The following GALNT17 variants were observed in gnomAD, a reference collection of about 807,000 sequenced individuals.
GALNT17 encodes UDP-GalNAc:polypeptide N-acetylgalactosaminyltransferase-like 3.
Under a neutral mutation model 63.7 loss-of-function variants are expected in GALNT17, and 29 were observed. The observed-to-expected ratio is 0.46, with a 90% CI of 0.34 to 0.62. The LOEUF (loss-of-function observed/expected upper bound fraction) is 0.62. Ranked by LOEUF, GALNT17 falls within the 20% of genes least tolerant of loss-of-function variation. GALNT17 has a pLI of 0.01. For synonymous variants in GALNT17, 305 were observed against 318.3 expected (o/e 0.96, Z 0.45); for missense variants, 603 against 799.6 (o/e 0.75, Z 2.97).
At chr7:71,588,474 A>C (rs1281983992) in intron 6 of GALNT17, among the ~76,000 whole-genome samples, 1 of 152,196 alleles carries the variant, frequency 6.6e-6, no homozygotes, top group Non-Finnish European at 1.5e-5. Context: ...CCTCCTTGAT[A>C]TAGACTATTA....
intron 5 of GALNT17, among the ~76,000 whole-genome samples, chr7:71,537,856 C>T (rs987040607): frequency 2.6e-5 from 4 of 152,066 alleles, no homozygotes; most frequent in Non-Finnish European, 4.4e-5. Flanking sequence ...GAAAAAGACA[C>T]AGAGACAGAG....
chr7:71,575,579 AG>A (rs1485534429), intron 6 of GALNT17, among the ~76,000 whole-genome samples: 2 of 151,918 alleles, frequency 1.3e-5, no homozygotes, highest in Non-Finnish European at 2.9e-5. Flanking sequence ...TAGTAGAGAC[AG>A]GGTTTCACCG....
At chr7:71,355,949 G>T (rs149356365) in intron 2 of GALNT17, among the ~76,000 whole-genome samples, 2 of 151,992 alleles carry the variant, frequency 1.3e-5, no homozygotes, top group Non-Finnish European at 2.9e-5. Flanking sequence ...CTTTCTTCTC[G>T]ATATAGTTAC....
chr7:71,194,363 A>C (rs370786335), intron 1 of GALNT17, among the ~76,000 whole-genome samples: 29 of 152,198 alleles, frequency 1.9e-4, no homozygotes, highest in East Asian at 1.5e-3. Context: ...CAGGCATTTC[A>C]CTGCACACAT....
intron 3 of GALNT17, among the ~76,000 whole-genome samples, chr7:71,399,233 C>T (rs1793194474): frequency 6.6e-6 from 1 of 152,112 alleles, no homozygotes; most frequent in Non-Finnish European, 1.5e-5. Flanking sequence ...GATTCCATCC[C>T]CCCTGCCCTC....
chr7:71,217,140 G>GTTT lies in GALNT17; in HGVS notation c.238+84102_238+84104dup, dbSNP rs200574411. Reference sequence around the variant, plus strand: ...CACCATGCACAGCTAATTTTTTCGTGTTTTGTTTTTTTTTTTTTTTTTTTT... The same window carrying GTTT: ...CACCATGCACAGCTAATTTTTTCGTGTTTTTTTGTTTTTTTTTTTTTTTTTTTT... On this transcript the variant is annotated intron_variant, in intron 1 of 10. Coordinates refer to ENST00000333538, the MANE Select transcript of GALNT17 (RefSeq NM_022479.3). Among the ~76,000 whole-genome samples, 190 of 95,154 alleles carry GTTT rather than the reference G, an allele frequency of 2.0e-3. 6 individuals are homozygous for GTTT. Among genetic ancestry groups the GTTT allele is most frequent in the Non-Finnish European group, 2.7e-3 (129 of 47,586 alleles). 62.4% of individuals were successfully genotyped at this position (95,154 alleles called of 152,430 possible).
chr7:71,283,386 T>G (rs150217829), intron 1 of GALNT17, among the ~76,000 whole-genome samples: 1 of 152,246 alleles, frequency 6.6e-6, no homozygotes, highest in Middle Eastern at 3.4e-3. Context: ...GGTTTAATTA[T>G]GTTGATTATA....
Position 71,309,848 on chromosome 7 carries a change from A to G in GALNT17, c.239-25702A>G, listed in dbSNP as rs117338653. ...CCTCTACTTTCTACCAGCCAACACT[A>G]AGAGAGAAATATATTGATATGATTT... is the stretch of plus-strand genomic sequence containing the variant. On this transcript the variant is annotated intron_variant, in intron 1 of 10. Transcript: ENST00000333538. Among the ~76,000 whole-genome samples, 453 of 152,278 alleles carry G rather than the reference A, an allele frequency of 3.0e-3. 2 individuals are homozygous for G. Among genetic ancestry groups the G allele is most frequent in the Non-Finnish European group, 5.2e-3 (355 of 68,024 alleles).
intron 5 of GALNT17, among the ~76,000 whole-genome samples, chr7:71,524,968 G>A (rs1788599565): frequency 6.6e-6 from 1 of 152,014 alleles, no homozygotes; most frequent in East Asian, 1.9e-4. Context: ...TCTCCTATTT[G>A]CATCCTTCCT....
intron 1 of GALNT17, among the ~76,000 whole-genome samples, chr7:71,270,000 CCT>C (rs1790557415): frequency 6.6e-6 from 1 of 152,096 alleles, no homozygotes; most frequent in Non-Finnish European, 1.5e-5. Context: ...GTGTGTGACA[CCT>C]CTCTCTCTGT....
At chr7:71,364,180 C>T (rs55689924) in intron 2 of GALNT17, among the ~76,000 whole-genome samples, 6,477 of 152,174 alleles carry the variant, frequency 0.043, 237 homozygotes, top group East Asian at 0.1. Flanking sequence ...CACCAAGTCC[C>T]CAAAGTCCAT....
intron 1 of GALNT17, among the ~76,000 whole-genome samples, chr7:71,143,283 G>T (rs1223865832): frequency 6.6e-6 from 1 of 151,154 alleles, no homozygotes; most frequent in Non-Finnish European, 1.5e-5. Context: ...TTAGCCGGGT[G>T]TGGTGGCGGG....
intron 5 of GALNT17, 118 bp downstream of exon 5, chr7:71,421,223 C>T (rs1786658806): frequency 9.8e-7 from 1 of 1,018,184 alleles, no homozygotes; most frequent in African/African-American, 1.6e-5. Context: ...GCACACAGCT[C>T]TCCAGGAGCC....
At chr7:71,161,463 T>A (rs1269520069) in intron 1 of GALNT17, among the ~76,000 whole-genome samples, 2 of 152,186 alleles carry the variant, frequency 1.3e-5, no homozygotes, top group Non-Finnish European at 2.9e-5. Flanking sequence ...ATTATCTTTG[T>A]CTTTAATATT....
intron 6 of GALNT17, among the ~76,000 whole-genome samples, chr7:71,625,912 G>A (rs1170947826): frequency 1.3e-5 from 2 of 152,072 alleles, no homozygotes; most frequent in African/African-American, 4.8e-5. Flanking sequence ...AAGGTCATTG[G>A]GGTGGACTCT....
chr7:71,511,118 G>C (rs552537862), intron 5 of GALNT17, among the ~76,000 whole-genome samples: 2 of 152,112 alleles, frequency 1.3e-5, no homozygotes. Context: ...GGAGGTCAAG[G>C]CTGCCGTGAG....
At chr7:71,672,014 T>C (rs1392807111) in intron 8 of GALNT17, among the ~76,000 whole-genome samples, 14 of 111,012 alleles carry the variant, frequency 1.3e-4, no homozygotes, top group Non-Finnish European at 2.1e-4. Flanking sequence ...GGTGATAGAG[T>C]GAGACTCTGT....
chr7:71,237,182 A>G (rs1009667631), intron 1 of GALNT17, among the ~76,000 whole-genome samples: 1 of 152,142 alleles, frequency 6.6e-6, no homozygotes, highest in Non-Finnish European at 1.5e-5. Flanking sequence ...GCCTTTGAAA[A>G]ATAGCTTTAT....
chr7:71,431,388 T>G (rs1786863899), intron 5 of GALNT17, among the ~76,000 whole-genome samples: 1 of 151,898 alleles, frequency 6.6e-6, no homozygotes, highest in Non-Finnish European at 1.5e-5. Context: ...TTTTTGTACA[T>G]TTAATAGAGA....
Sources: gnomAD v4.1 joint callset for allele counts (sites outside exome capture counted in the v4.1 genomes callset) on GRCh38, gnomAD v4.1.1 for gene constraint, MANE v1.5 for transcripts, NCBI Gene and HGNC (gene_info 2026-07-23, HGNC 2026-07-21) for gene names.